Variants in NTRK2 observed in about 807,000 individuals in gnomAD.
NTRK2 encodes the protein neurotrophic receptor tyrosine kinase 2, also known as BDNF/NT-3 growth factors receptor.
NTRK2 carries 13 observed loss-of-function variants against 94.5 expected under a neutral mutation model. The observed-to-expected ratio is 0.14, with a 90% CI of 0.09 to 0.22. The LOEUF (loss-of-function observed/expected upper bound fraction) is 0.22. Ranked by LOEUF, NTRK2 falls within the 10% of genes least tolerant of loss-of-function variation. The probability of loss-of-function intolerance (pLI) is 1.00; values close to 1 mark genes in which losing one functional copy is unlikely to be tolerated. For synonymous variants in NTRK2, 372 were observed against 407.4 expected (o/e 0.91, Z 1.05); for missense variants, 639 against 1,071.2 (o/e 0.60, Z 5.63).
At chr9:84,742,816 T>TTTTTTTTA in intron 10 of NTRK2, among the ~76,000 whole-genome samples, 1 of 136,794 alleles carries the variant, frequency 7.3e-6, no homozygotes, top group African/African-American at 2.8e-5. Flanking sequence ...TTTTTTTTTT[T>TTTTTTTTA]CCGAGACGGA....
chr9:84,753,441 G>A (rs1340511353), intron 12 of NTRK2, among the ~76,000 whole-genome samples: 1 of 152,124 alleles, frequency 6.6e-6, no homozygotes, highest in African/African-American at 2.4e-5. Flanking sequence ...ATTTCTAACA[G>A]TTTCTGGAGA....
intron 12 of NTRK2, among the ~76,000 whole-genome samples, chr9:84,834,107 C>T (rs563477155): frequency 6.6e-6 from 1 of 152,228 alleles, no homozygotes; most frequent in South Asian, 2.1e-4. Context: ...CATTTTCATA[C>T]AGAACTTTAC....
intron 2 of NTRK2, among the ~76,000 whole-genome samples, 188 bp downstream of exon 2, chr9:84,671,148 T>C (rs1031442396): frequency 6.6e-6 from 1 of 152,214 alleles, no homozygotes; most frequent in Non-Finnish European, 1.5e-5. Context: ...CAGGGAGAAG[T>C]GTGACACTTT....
intron 12 of NTRK2, chr9:84,815,383 C>T (rs1003088707): frequency 1.9e-6 from 2 of 1,045,200 alleles, no homozygotes; most frequent in Non-Finnish European, 2.3e-6. Context: ...TAAGACAGTC[C>T]ATTTATGAAT....
intron 12 of NTRK2, among the ~76,000 whole-genome samples, chr9:84,763,330 C>G (rs1039625150): frequency 3.3e-5 from 5 of 152,068 alleles, no homozygotes; most frequent in African/African-American, 1.2e-4. Context: ...CTCTTCCTGC[C>G]TGTATCTAAC....
chr9:84,736,665 ATTAAGATTTATAC>A (rs1227958499), intron 9 of NTRK2, among the ~76,000 whole-genome samples: 4 of 152,204 alleles, frequency 2.6e-5, no homozygotes, highest in African/African-American at 9.7e-5. Flanking sequence ...AATAATGATA[ATTAAGATTTATAC>A]TTAAATAGCT....
chr9:84,985,334 T>C (rs763395494), intron 17 of NTRK2, among the ~76,000 whole-genome samples: 6 of 152,190 alleles, frequency 3.9e-5, no homozygotes, highest in Non-Finnish European at 8.8e-5. Context: ...TATTGAGCCT[T>C]ACTAAGGGCA....
chr9:84,894,712 C>T (rs1255450348), intron 14 of NTRK2, among the ~76,000 whole-genome samples: 3 of 152,198 alleles, frequency 2.0e-5, no homozygotes, highest in Non-Finnish European at 4.4e-5. Flanking sequence ...TGATGACAGA[C>T]ATCAGATTAA....
chr9:84,908,332 G>T (rs1302874839), intron 14 of NTRK2, among the ~76,000 whole-genome samples: 4 of 151,950 alleles, frequency 2.6e-5, no homozygotes, highest in Non-Finnish European at 5.9e-5. Context: ...ATTAAAATAG[G>T]TAAATAAAAG....
intron 6 of NTRK2, among the ~76,000 whole-genome samples, chr9:84,713,375 G>C (rs1035034102): frequency 5.3e-5 from 8 of 152,080 alleles, no homozygotes; most frequent in African/African-American, 2.4e-5. Context: ...TCTGCATAGA[G>C]ATAACCACCA....
At chr9:84,860,617 G>A (rs192838986) in intron 12 of NTRK2, among the ~76,000 whole-genome samples, 1 of 152,124 alleles carries the variant, frequency 6.6e-6, no homozygotes, top group East Asian at 1.9e-4. Context: ...TTTGTCAAAT[G>A]CATTGTGTGT....
rs142190177 is a variant in NTRK2 at position 84,723,604 on chromosome 9, C to T, written c.615C>T (p.Asn205=). The change falls in exon 7 of 19, where the codon AAC becomes AAT. Residue 205 remains asparagine, a synonymous_variant. Coordinates refer to ENST00000277120, the MANE Select transcript of NTRK2 (RefSeq NM_006180.6). ...GLPSANLAAP[N]LTVEEGKSIT... ...CATCTGCAAATCTGGCCGCACCTAA[C>T]CTCACTGTGGAGGAAGGAAAGTCTA... 2.5e-5 allele frequency: 41 copies of T among 1,614,022 alleles called. No individual in the cohort carries two copies. Among genetic ancestry groups the T allele is most frequent in the Non-Finnish European group, 3.4e-5 (40 of 1,179,984 alleles).
At position 84,670,521 on chromosome 9, in the gene NTRK2, C is replaced by G. The variant is rs201813509; in HGVS notation, c.-228C>G. 2 of 577,678 alleles carry G rather than the reference C, an allele frequency of 3.5e-6. No individual in the cohort carries two copies. Among genetic ancestry groups the G allele is most frequent in the Non-Finnish European group, 6.2e-6 (2 of 322,732 alleles). 35.8% of individuals were successfully genotyped at this position (577,678 alleles called of 1,614,324 possible). The stretch of plus-strand genomic sequence containing the variant: ...GAGCTCCGAGCAGCGGTAGCGCCCC[C>G]CTGTAAAGCGGTTCGCTATGCCGGG... On this transcript the variant is annotated 5_prime_UTR_variant, in exon 2 of 19. Coordinates refer to ENST00000277120, the MANE Select transcript of NTRK2 (RefSeq NM_006180.6).
intron 14 of NTRK2, among the ~76,000 whole-genome samples, chr9:84,888,206 AAAGAAAACT>A (rs1395666939): frequency 6.6e-6 from 1 of 152,150 alleles, no homozygotes; most frequent in Non-Finnish European, 1.5e-5. Flanking sequence ...AGGGAAGGAG[AAAGAAAACT>A]TTTTTTGAGA....
intron 12 of NTRK2, among the ~76,000 whole-genome samples, chr9:84,800,906 T>A (rs1291999888): frequency 6.6e-6 from 1 of 152,202 alleles, no homozygotes; most frequent in Non-Finnish European, 1.5e-5. Context: ...CTCTTTCAGT[T>A]TGGGCCACCC....
At chr9:84,791,187 A>ATT (rs981185289) in intron 12 of NTRK2, among the ~76,000 whole-genome samples, 2 of 152,178 alleles carry the variant, frequency 1.3e-5, no homozygotes, top group African/African-American at 4.8e-5. Context: ...CAACCAAGAC[A>ATT]TGAAAGGGGG....
chr9:84,670,707 C>T lies in NTRK2; in HGVS notation c.-42C>T, dbSNP rs746446929. On this transcript the variant is annotated 5_prime_UTR_variant, in exon 2 of 19. Coordinates refer to ENST00000277120, the MANE Select transcript of NTRK2 (RefSeq NM_006180.6). ...CACGGGTGGGGGAAAGCGGCCGGTG[C>T]AGCGCGGGGACAGGCACTCGGGCTG... The T allele has an allele frequency of 1.3e-6, 2 of 1,597,580 alleles. No homozygotes were observed. Among genetic ancestry groups the T allele is most frequent in the Non-Finnish European group, 8.5e-7 (1 of 1,170,676 alleles).
chr9:84,784,605 C>G (rs1228671851), intron 12 of NTRK2, among the ~76,000 whole-genome samples: 1 of 152,168 alleles, frequency 6.6e-6, no homozygotes, highest in African/African-American at 2.4e-5. Context: ...ATTCAGACAT[C>G]GATTTTCTCT....
At chr9:84,930,570 T>C (rs2077988881) in intron 14 of NTRK2, among the ~76,000 whole-genome samples, 1 of 152,162 alleles carries the variant, frequency 6.6e-6, no homozygotes, top group Non-Finnish European at 1.5e-5. Flanking sequence ...GGCTTGGGCA[T>C]CCTTGGTGCA....
Sources: allele counts gnomAD v4.1 joint callset (sites outside exome capture counted in the v4.1 genomes callset), GRCh38; gene constraint gnomAD v4.1.1; transcripts MANE v1.5; gene names NCBI Gene and HGNC (gene_info 2026-07-23, HGNC 2026-07-21).